GOSR1: variants seen among roughly 807,000 people sequenced by gnomAD.
The protein encoded by GOSR1 is golgi SNAP receptor complex member 1, also known as 28 kDa Golgi SNARE protein.
GOSR1 carries 21 observed loss-of-function variants against 35.5 expected under a neutral mutation model. That is an observed-to-expected ratio of 0.59 (90% CI 0.42 to 0.85). The LOEUF is 0.85. Ranked by LOEUF, GOSR1 falls within the 40% of genes least tolerant of loss-of-function variation. The probability of loss-of-function intolerance (pLI) is 0.00; values close to 1 mark genes in which losing one functional copy is unlikely to be tolerated. For missense variants in GOSR1, 285 were observed against 309.6 expected (o/e 0.92, Z 0.60); for synonymous variants, 94 against 106.6 (o/e 0.88, Z 0.73).
At chr17:30,495,951 C>G (rs1212058819) in intron 6 of GOSR1, among the ~76,000 whole-genome samples, 1 of 152,204 alleles carries the variant, frequency 6.6e-6, no homozygotes, top group African/African-American at 2.4e-5. Flanking sequence ...TTGCCTAGCC[C>G]TGTTTAGTTC....
chr17:30,509,993 A>G (rs1373303603), intron 6 of GOSR1, among the ~76,000 whole-genome samples: 1 of 152,230 alleles, frequency 6.6e-6, no homozygotes, highest in Non-Finnish European at 1.5e-5. Context: ...TGCTGTCATT[A>G]AAACTGTTCT....
chr17:30,500,266 TTTTTCTTTTG>T (rs1967153152), intron 6 of GOSR1, among the ~76,000 whole-genome samples: 1 of 152,188 alleles, frequency 6.6e-6, no homozygotes, highest in Non-Finnish European at 1.5e-5. Context: ...GTTACAGATT[TTTTTCTTTTG>T]TTTTCTTTCA....
At chr17:30,505,967 T>A (rs1264800232) in intron 6 of GOSR1, among the ~76,000 whole-genome samples, 1 of 152,160 alleles carries the variant, frequency 6.6e-6, no homozygotes, top group East Asian at 1.9e-4. Context: ...GGGACTCAAG[T>A]AATCCTCCCA....
intron 4 of GOSR1, among the ~76,000 whole-genome samples, chr17:30,488,880 T>G (rs1914851054): frequency 6.6e-6 from 1 of 152,156 alleles, no homozygotes; most frequent in African/African-American, 2.4e-5. Context: ...ACAACTAATG[T>G]GTTTATCAGT....
chr17:30,483,387 A>ATAC (rs1444930489), intron 2 of GOSR1, among the ~76,000 whole-genome samples: 1 of 152,196 alleles, frequency 6.6e-6, no homozygotes, highest in Non-Finnish European at 1.5e-5. Context: ...GCCAGGCTGT[A>ATAC]TACTAGGTGC....
chr17:30,481,080 G>A, intron 1 of GOSR1, 63 bp from the exon 2 acceptor site: 1 of 1,020,034 alleles, frequency 9.8e-7, no homozygotes, highest in East Asian at 2.4e-5. Flanking sequence ...TCTTTAGAAT[G>A]GTGCTGTGAT....
chr17:30,480,858 G>A (rs868652495), intron 1 of GOSR1: 18 of 237,310 alleles, frequency 7.6e-5, no homozygotes, highest in Admixed American at 1.9e-4. Flanking sequence ...GATTACAGGC[G>A]TGCGCCACCA....
rs562540972 is a variant in GOSR1 at position 30,505,805 on chromosome 17, T to A, written c.510-5075T>A. ...GTGCAGTGGCATGATCCCAGCCCAC[T>A]GCAACCTCCACCTTGTGGGCTCAAG... is the stretch of plus-strand genomic sequence containing the variant. On this transcript the variant is annotated intron_variant, in intron 6 of 8. Transcript: ENST00000451249. Among the ~76,000 whole-genome samples, 290 of 152,290 alleles carry A rather than the reference T, an allele frequency of 1.9e-3. 1 individual carries two copies. Among genetic ancestry groups the A allele is most frequent in the Middle Eastern group, 3.4e-3 (1 of 294 alleles).
intron 6 of GOSR1, among the ~76,000 whole-genome samples, chr17:30,496,482 A>C (rs1194946318): frequency 6.6e-6 from 1 of 152,176 alleles, no homozygotes; most frequent in African/African-American, 2.4e-5. Flanking sequence ...GATTCTCCAC[A>C]TACCTTTCTT....
Position 30,526,254 on chromosome 17 carries a change from GC to G in GOSR1, c.*3881del, listed in dbSNP as rs1211278428. 6.6e-6 allele frequency: 1 copy of G among 152,132 alleles called. No individual in the cohort carries two copies. The highest frequency in any genetic ancestry group is 2.4e-5 in the African/African-American group (1 of 41,400). The allele number at this position is 152,132 out of a possible 1,614,324, so 9.4% of individuals were successfully genotyped here. On this transcript the variant is annotated 3_prime_UTR_variant, in exon 9 of 9. Transcript: ENST00000451249. Reference sequence around the variant, plus strand: ...AATGTTACCTCTTAGGGGAAGTTATGCCCCCTCAACTATTGTCTTATTATAA... The same window carrying G: ...AATGTTACCTCTTAGGGGAAGTTATGCCCCTCAACTATTGTCTTATTATAA...
intron 2 of GOSR1, 29 bp from the exon 3 acceptor site, chr17:30,484,185 G>A: frequency 8.9e-7 from 1 of 1,125,448 alleles, no homozygotes; most frequent in African/African-American, 1.5e-5. Context: ...TTTGAGTAAT[G>A]GATCCTCTTT....
intron 6 of GOSR1, among the ~76,000 whole-genome samples, chr17:30,499,149 T>C (rs571375875): frequency 3.3e-5 from 5 of 152,348 alleles, no homozygotes; most frequent in South Asian, 2.1e-4. Flanking sequence ...CTAAGACTTA[T>C]TCTTTTTCTT....
At chr17:30,495,656 C>T (rs1261780403) in intron 6 of GOSR1, 3 of 285,460 alleles carry the variant, frequency 1.1e-5, no homozygotes, top group Non-Finnish European at 2.1e-5. Flanking sequence ...TCTGCAGTCT[C>T]ATGAGTTTGT....
rs1968199264 is a variant in GOSR1, at chr17:30,527,336, A to G, written c.*4958A>G. ...GCCACTGTACTCCAGCCTGGGTGACAGAGACCCTGTCTCAAAAATAAATTA... is the reference window on the plus strand; with the variant it reads ...GCCACTGTACTCCAGCCTGGGTGACGGAGACCCTGTCTCAAAAATAAATTA... On this transcript the variant is annotated 3_prime_UTR_variant, in exon 9 of 9. Coordinates refer to ENST00000451249, the MANE Select transcript of GOSR1 (RefSeq NM_001007025.2). 6.6e-6 allele frequency: 1 copy of G among 152,232 alleles called. No individual in the cohort carries two copies. The highest frequency in any genetic ancestry group is 2.4e-5 in the African/African-American group (1 of 41,462). 9.4% of individuals were successfully genotyped at this position (152,232 alleles called of 1,614,324 possible).
At chr17:30,521,981 T>C (rs888855516) in intron 8 of GOSR1, among the ~76,000 whole-genome samples, 4 of 152,168 alleles carry the variant, frequency 2.6e-5, no homozygotes, top group Non-Finnish European at 5.9e-5. Flanking sequence ...GCTTGGGAAC[T>C]GTCATCGTCC....
intron 2 of GOSR1, among the ~76,000 whole-genome samples, chr17:30,483,850 T>A (rs1382181334): frequency 1.3e-5 from 2 of 152,210 alleles, no homozygotes; most frequent in African/African-American, 2.4e-5. Context: ...AACAAAAGGA[T>A]GATTGCATAC....
In GOSR1 at chr17:30,522,622, C is replaced by G. The variant is rs1035219904; in HGVS notation, c.*244C>G. The G allele has an allele frequency of 7.2e-6, 2 of 276,612 alleles. No individual in the cohort carries two copies. Among genetic ancestry groups the G allele is most frequent in the Non-Finnish European group, 1.3e-5 (2 of 151,384 alleles). The allele number at this position is 276,612 out of a possible 1,614,324, so 17.1% of individuals were successfully genotyped here. On this transcript the variant is annotated 3_prime_UTR_variant, in exon 9 of 9. Transcript: ENST00000451249. ...AAAAAAAAAAAAAGGTTTTCAGTTG[C>G]TTTTGTCTCCCTAGGAGGCAGGTAA...
At chr17:30,499,480 T>C (rs1259697993) in intron 6 of GOSR1, among the ~76,000 whole-genome samples, 1 of 151,982 alleles carries the variant, frequency 6.6e-6, no homozygotes, top group African/African-American at 2.4e-5. Flanking sequence ...TAGCTGGAAC[T>C]ACAGGCGCAT....
At position 30,525,666 on chromosome 17, in the gene GOSR1, T is replaced by C. The variant is rs1470979708; in HGVS notation, c.*3288T>C. 6.6e-6 allele frequency: 1 copy of C among 152,202 alleles called. No individual in the cohort carries two copies. Among genetic ancestry groups the C allele is most frequent in the East Asian group, 1.9e-4 (1 of 5,208 alleles). The allele number at this position is 152,202 out of a possible 1,614,324, so 9.4% of individuals were successfully genotyped here. ...CTTTTTTACTGGTCTGATTCTTTTG[T>C]GCATTCATTAAAGCTGATTGTGTGA... On this transcript the variant is annotated 3_prime_UTR_variant, in exon 9 of 9. Coordinates refer to ENST00000451249, the MANE Select transcript of GOSR1 (RefSeq NM_001007025.2).
Sources: gnomAD v4.1 joint callset for allele counts (sites outside exome capture counted in the v4.1 genomes callset) on GRCh38, gnomAD v4.1.1 for gene constraint, MANE v1.5 for transcripts, NCBI Gene and HGNC (gene_info 2026-07-23, HGNC 2026-07-21) for gene names.